SLC25A48: variants seen among roughly 807,000 people sequenced by gnomAD.
The protein encoded by SLC25A48 is CTC-321K16.1.
Under a neutral mutation model 32.2 loss-of-function variants are expected in SLC25A48, and 29 were observed. The ratio of observed to expected loss-of-function variants is 0.90; its 90% CI spans 0.67 to 1.23. The LOEUF is 1.23. SLC25A48 is among the 50% of genes most tolerant of loss of function. The pLI, the probability that SLC25A48 is intolerant of heterozygous loss-of-function variation, is 0.00. For missense variants in SLC25A48, 399 were observed against 422.7 expected (o/e 0.94, Z 0.49); for synonymous variants, 164 against 172.3 (o/e 0.95, Z 0.38).
At chr5:135,707,043 G>A (rs1754528977) in intron 3 of SLC25A48, among the ~76,000 whole-genome samples, 1 of 152,228 alleles carries the variant, frequency 6.6e-6, no homozygotes, top group Admixed American at 6.5e-5. Context: ...GGCTTTGAGA[G>A]GGGGCACTTC....
At chr5:135,856,940 C>T (rs1163101506) in intron 4 of SLC25A48, among the ~76,000 whole-genome samples, 7 of 151,708 alleles carry the variant, frequency 4.6e-5, no homozygotes, top group East Asian at 2.0e-4. Flanking sequence ...GTTTGGGGTT[C>T]GGTTGTTGGA....
At chr5:135,735,368 G>T (rs910807693) in intron 3 of SLC25A48, among the ~76,000 whole-genome samples, 4 of 152,310 alleles carry the variant, frequency 2.6e-5, no homozygotes, top group Middle Eastern at 3.4e-3. Flanking sequence ...GTCAGGAGCT[G>T]ACTGGGTGAT....
At chr5:135,748,907 C>T (rs1465350454) in intron 3 of SLC25A48, among the ~76,000 whole-genome samples, 1 of 151,854 alleles carries the variant, frequency 6.6e-6, no homozygotes, top group African/African-American at 2.4e-5. Context: ...TTAGTAGAGA[C>T]GGGGTTTCGC....
At chr5:135,692,318 CA>C (rs55818262) in intron 3 of SLC25A48, among the ~76,000 whole-genome samples, 85 of 122,718 alleles carry the variant, frequency 6.9e-4, no homozygotes, top group Admixed American at 1.2e-3. Context: ...GACCCCGTCT[CA>C]AAAAAAAAAA....
intron 3 of SLC25A48, among the ~76,000 whole-genome samples, chr5:135,758,168 C>T (rs1423534884): frequency 6.6e-6 from 1 of 150,518 alleles, no homozygotes; most frequent in Non-Finnish European, 1.5e-5. Flanking sequence ...AATACCATCT[C>T]TATAATATTT....
intron 1 of SLC25A48, among the ~76,000 whole-genome samples, chr5:135,586,197 C>G (rs1580702017): frequency 6.6e-6 from 1 of 152,274 alleles, no homozygotes; most frequent in East Asian, 1.9e-4. Context: ...CATACGCTGC[C>G]TCCCAGGAGG....
At chr5:135,831,952 T>C (rs140532124), upstream of SLC25A48, among the ~76,000 whole-genome samples, 127 of 152,128 alleles carry the variant, frequency 8.3e-4, no homozygotes, top group Admixed American at 1.8e-3. Context: ...CTGGGTGTCA[T>C]TGAGGGGATG....
At chr5:135,842,538 C>T in intron 2 of SLC25A48, 79 bp downstream of exon 2, 1 of 1,420,780 alleles carries the variant, frequency 7.0e-7, no homozygotes, top group Non-Finnish European at 9.9e-7. Flanking sequence ...CCTGCTGTTT[C>T]TAATCTCTCA....
At chr5:135,873,453 A>G in intron 5 of SLC25A48, among the ~76,000 whole-genome samples, 1 of 152,182 alleles carries the variant, frequency 6.6e-6, no homozygotes, top group South Asian at 2.1e-4. Context: ...GAGATTTTTC[A>G]AAAAGCTGTC....
chr5:135,669,576 G>A (rs1753606892), intron 3 of SLC25A48, among the ~76,000 whole-genome samples: 1 of 152,188 alleles, frequency 6.6e-6, no homozygotes, highest in Non-Finnish European at 1.5e-5. Context: ...ACTGAGTGGT[G>A]AAGCAGCTGG....
chr5:135,672,372 C>T (rs773433803), intron 3 of SLC25A48, among the ~76,000 whole-genome samples: 4 of 152,190 alleles, frequency 2.6e-5, no homozygotes, highest in Non-Finnish European at 2.9e-5. Context: ...CAGCTGTCAT[C>T]GGTGCCTGAG....
chr5:135,610,100 A>G (rs1752030353), intron 1 of SLC25A48, among the ~76,000 whole-genome samples: 1 of 152,178 alleles, frequency 6.6e-6, no homozygotes, highest in African/African-American at 2.4e-5. Context: ...TGCCAGGAAA[A>G]CAAGCCAGGT....
At chr5:135,852,844 G>A in intron 4 of SLC25A48, 23 bp downstream of exon 4, 1 of 1,589,728 alleles carries the variant, frequency 6.3e-7, no homozygotes, top group Non-Finnish European at 8.6e-7. Flanking sequence ...GGGAGCGGAG[G>A]CTGGTGTCTG....
intron 3 of SLC25A48, among the ~76,000 whole-genome samples, chr5:135,659,042 A>C (rs921226733): frequency 6.6e-6 from 1 of 152,212 alleles, no homozygotes; most frequent in Non-Finnish European, 1.5e-5. Context: ...GGCTATTAAC[A>C]TTCTGCTCCC....
rs75057262 is a variant in SLC25A48 at position 135,796,240 on chromosome 5, C to T, written c.-520-16283C>T. Among the ~76,000 whole-genome samples, 957 of 151,434 alleles carry T rather than the reference C, an allele frequency of 6.3e-3. 12 individuals carry two copies. The highest frequency in any genetic ancestry group is 0.022 in the African/African-American group (915 of 41,246). On this transcript the variant is annotated intron_variant, in intron 3 of 10. Coordinates refer to the SLC25A48 transcript ENST00000646290. Reference sequence around the variant, plus strand: ...GAAGGTAATATTACTCTCCATATCACGGGGGGAGTACATCACGCCGCGATG... The same window carrying T: ...GAAGGTAATATTACTCTCCATATCATGGGGGGAGTACATCACGCCGCGATG...
chr5:135,691,134 C>T (rs780963619), intron 3 of SLC25A48, among the ~76,000 whole-genome samples: 4 of 152,166 alleles, frequency 2.6e-5, no homozygotes, highest in East Asian at 3.8e-4. Context: ...CAGCGCTTCT[C>T]GATTCAGCCC....
At chr5:135,850,351 C>T in intron 2 of SLC25A48, 74 bp from the exon 3 acceptor site, 6 of 1,486,456 alleles carry the variant, frequency 4.0e-6, no homozygotes, top group Non-Finnish European at 5.6e-6. Flanking sequence ...AGGGCCTTTC[C>T]CTCTGGGCAT....
intron 3 of SLC25A48, among the ~76,000 whole-genome samples, chr5:135,724,915 C>T (rs953892274): frequency 4.6e-5 from 7 of 152,226 alleles, no homozygotes; most frequent in East Asian, 1.9e-4. Context: ...AGCACAGACT[C>T]GGGTGTGTGA....
intron 3 of SLC25A48, among the ~76,000 whole-genome samples, chr5:135,667,537 C>T (rs1409015784): frequency 6.6e-6 from 1 of 152,170 alleles, no homozygotes; most frequent in Non-Finnish European, 1.5e-5. Flanking sequence ...CCACCCTTAG[C>T]TTTCTTGTTA....
Sources: allele counts gnomAD v4.1 joint callset (sites outside exome capture counted in the v4.1 genomes callset), GRCh38; gene constraint gnomAD v4.1.1; transcripts MANE v1.5; gene names NCBI Gene and HGNC (gene_info 2026-07-23, HGNC 2026-07-21).